PPFIA1: variants seen among roughly 807,000 people sequenced by gnomAD.
PPFIA1 encodes the protein liprin-alpha-1.
Under a neutral mutation model 149.9 loss-of-function variants are expected in PPFIA1, and 25 were observed. That is an observed-to-expected ratio of 0.17 (90% CI 0.12 to 0.23). PPFIA1 has a LOEUF of 0.23. PPFIA1 is among the 10% of genes least tolerant of loss of function. PPFIA1 has a pLI of 1.00. For synonymous variants in PPFIA1, 549 were observed against 552.8 expected (o/e 0.99, Z 0.10); for missense variants, 1,362 against 1,506.5 (o/e 0.90, Z 1.59).
In PPFIA1 at chr11:70,272,344, C is replaced by A; in HGVS notation, c.172C>A (p.Gln58Lys). ...CCTTCTTGATACACTGAGAGAGACT[C>A]AAGAAACGCTGGCCTTAACCCAGGG... ...DRLLDTLRETQETLALTQGKL... is the reference protein window; with the variant it reads ...DRLLDTLRETKETLALTQGKL... The change falls in exon 2 of 28, where the codon CAA becomes AAA. Residue 58 changes from glutamine (Q) to lysine (K), a missense_variant. Around this residue, in one of 7 missense-constraint regions of PPFIA1, gnomAD observed 100 missense variants for 106.2 expected, o/e 0.94. Coordinates refer to ENST00000253925, the MANE Select transcript of PPFIA1 (RefSeq NM_003626.5). The A allele has an allele frequency of 6.2e-7, 1 of 1,614,160 alleles. No homozygotes were observed. Among genetic ancestry groups the A allele is most frequent in the Non-Finnish European group, 8.5e-7 (1 of 1,180,014 alleles).
chr11:70,286,730 T>G (rs1398679966), intron 2 of PPFIA1, among the ~76,000 whole-genome samples: 1 of 151,834 alleles, frequency 6.6e-6, no homozygotes, highest in Admixed American at 6.6e-5. Flanking sequence ...TTATCCCTTT[T>G]TGCAGCAAGA....
chr11:70,296,147 C>T (rs1262900262), intron 2 of PPFIA1, among the ~76,000 whole-genome samples: 1 of 151,992 alleles, frequency 6.6e-6, no homozygotes, highest in Non-Finnish European at 1.5e-5. Flanking sequence ...AGGTGCTCCT[C>T]ACTTCCTAGA....
At chr11:70,308,201 G>A (rs1010465191) in intron 2 of PPFIA1, among the ~76,000 whole-genome samples, 9 of 152,184 alleles carry the variant, frequency 5.9e-5, no homozygotes, top group African/African-American at 1.4e-4. Flanking sequence ...GGCATGTGCC[G>A]CCACGGCCAG....
chr11:70,343,831 G>C lies in PPFIA1; in HGVS notation c.1870G>C (p.Asp624His). Residue 624 changes from aspartate to histidine, a missense_variant, in exon 15 of 28, where the codon GAC becomes CAC. Physicochemically the swap from Asp to His is moderately conservative, Grantham distance 81. Coordinates refer to ENST00000253925, the MANE Select transcript of PPFIA1 (RefSeq NM_003626.5). ...CCTGCTATCGCCCAGCGGGCAGGCCGACGCGCACACACTAGCCATGATGCT... is the reference window on the plus strand; with the variant it reads ...CCTGCTATCGCCCAGCGGGCAGGCCCACGCGCACACACTAGCCATGATGCT... Reference protein sequence around the residue: ...VDLLSPSGQADAHTLAMMLQE... With the variant: ...VDLLSPSGQAHAHTLAMMLQE... 6.2e-7 allele frequency: 1 copy of C among 1,614,148 alleles called. No individual in the cohort carries two copies. Among genetic ancestry groups the C allele is most frequent in the Non-Finnish European group, 8.5e-7 (1 of 1,180,030 alleles).
At chr11:70,373,232 ATTTAT>A (rs2057349765) in intron 23 of PPFIA1, among the ~76,000 whole-genome samples, 1 of 152,000 alleles carries the variant, frequency 6.6e-6, no homozygotes, top group Non-Finnish European at 1.5e-5. Context: ...TATTTATTTA[ATTTAT>A]TTTGAGACAG....
At chr11:70,333,715 G>C (rs567660439) in intron 10 of PPFIA1, among the ~76,000 whole-genome samples, 162 bp downstream of exon 10, 1 of 152,294 alleles carries the variant, frequency 6.6e-6, no homozygotes, top group East Asian at 1.9e-4. Context: ...TGAGTCGCCT[G>C]CTAATGCGTA....
intron 2 of PPFIA1, among the ~76,000 whole-genome samples, chr11:70,280,230 G>A (rs916865001): frequency 2.4e-4 from 35 of 147,418 alleles, no homozygotes; most frequent in African/African-American, 8.5e-4. Context: ...ATATATATAC[G>A]TACATACATA....
In PPFIA1 at chr11:70,384,176, T is replaced by C. The variant is rs1591415551; in HGVS notation, c.*1186T>C. 6.6e-6 allele frequency: 1 copy of C among 152,250 alleles called. No individual in the cohort carries two copies. The allele number at this position is 152,250 out of a possible 1,614,324, so 9.4% of individuals were successfully genotyped here. ...TGTCAGACCATGGCGTGGTATTTAT[T>C]GTGCAGCAGATCCAGAGACAGAGGC... On this transcript the variant is annotated 3_prime_UTR_variant, in exon 28 of 28. Coordinates refer to ENST00000253925, the MANE Select transcript of PPFIA1 (RefSeq NM_003626.5).
chr11:70,330,443 T>G, intron 8 of PPFIA1, 124 bp downstream of exon 8: 1 of 832,310 alleles, frequency 1.2e-6, no homozygotes, highest in Non-Finnish European at 1.8e-6. Flanking sequence ...CCTTAGAATA[T>G]TATGTTCAAG....
At chr11:70,352,512 T>G (rs751402948) in intron 16 of PPFIA1, among the ~76,000 whole-genome samples, 2 of 152,068 alleles carry the variant, frequency 1.3e-5, no homozygotes, top group African/African-American at 2.4e-5. Flanking sequence ...GCGTGCTACT[T>G]GGTGTCTTTG....
intron 2 of PPFIA1, among the ~76,000 whole-genome samples, chr11:70,323,628 C>T (rs2136765813): frequency 6.6e-6 from 1 of 152,332 alleles, no homozygotes; most frequent in East Asian, 1.9e-4. Context: ...ACAACAGACT[C>T]TGGCCTTTCT....
chr11:70,293,532 C>T (rs996805526), intron 2 of PPFIA1, among the ~76,000 whole-genome samples: 1 of 152,106 alleles, frequency 6.6e-6, no homozygotes, highest in Non-Finnish European at 1.5e-5. Flanking sequence ...AAGGCCAGTC[C>T]CCTACCCCAC....
At chr11:70,379,281 C>T (rs1046672947) in intron 26 of PPFIA1, among the ~76,000 whole-genome samples, 1 of 151,798 alleles carries the variant, frequency 6.6e-6, no homozygotes, top group African/African-American at 2.4e-5. Context: ...TGGCGAAACC[C>T]CGTCTCTACA....
At chr11:70,308,748 A>G (rs1202050293) in intron 2 of PPFIA1, among the ~76,000 whole-genome samples, 1 of 152,138 alleles carries the variant, frequency 6.6e-6, no homozygotes, top group Non-Finnish European at 1.5e-5. Flanking sequence ...TCTGGGCAAC[A>G]TAACATCTCT....
At chr11:70,349,158 G>C (rs1309044381) in intron 16 of PPFIA1, among the ~76,000 whole-genome samples, 2 of 134,414 alleles carry the variant, frequency 1.5e-5, no homozygotes, top group Non-Finnish European at 3.1e-5. Flanking sequence ...AAAAAAAAAA[G>C]GAAAAACATG....
chr11:70,318,047 T>G (rs1257020044), intron 2 of PPFIA1, among the ~76,000 whole-genome samples: 2 of 152,224 alleles, frequency 1.3e-5, no homozygotes, highest in Non-Finnish European at 2.9e-5. Flanking sequence ...CCTTGCCTCT[T>G]CCACTTCATT....
chr11:70,367,336 A>G (rs1220472830), intron 21 of PPFIA1, among the ~76,000 whole-genome samples: 2 of 152,242 alleles, frequency 1.3e-5, no homozygotes, highest in African/African-American at 4.8e-5. Flanking sequence ...AGCTGCGCCG[A>G]GAGACTAGGG....
rs1203080586 is a variant in PPFIA1 at position 70,324,661 on chromosome 11, A to G, written c.366+158A>G. ...CTGTGATTAGTCAGCATGATCACAC[A>G]TTAATGGCTTGAAATTTGTGATGAG... On this transcript the variant is annotated intron_variant, in intron 3 of 27. Coordinates refer to ENST00000253925, the MANE Select transcript of PPFIA1 (RefSeq NM_003626.5). Among the ~76,000 whole-genome samples the G allele has an allele frequency of 2.0e-5, 3 of 152,246 alleles. No homozygotes were observed. The East Asian group carries it at 5.8e-4, about 29-fold the overall frequency.
chr11:70,336,427 A>C (rs1462933824), intron 11 of PPFIA1, among the ~76,000 whole-genome samples: 1 of 151,262 alleles, frequency 6.6e-6, no homozygotes, highest in Non-Finnish European at 1.5e-5. Context: ...GCTTGAACCC[A>C]GGAGGTGGAG....
Sources: gnomAD v4.1 joint callset for allele counts (sites outside exome capture counted in the v4.1 genomes callset) on GRCh38, gnomAD v4.1.1 for gene constraint, gnomAD v4.1.1 regional missense constraint, MANE v1.5 for transcripts, NCBI Gene and HGNC (gene_info 2026-07-23, HGNC 2026-07-21) for gene names.